Variants in MED13L observed in about 807,000 individuals in gnomAD.
MED13L encodes mediator of RNA polymerase II transcription subunit 13-like.
In MED13L, 7 loss-of-function variants were observed where a neutral mutation model predicts 220.9. The ratio of observed to expected loss-of-function variants is 0.03; its 90% CI spans 0.02 to 0.06. MED13L has a LOEUF of 0.06. MED13L is among the 10% of genes least tolerant of loss of function. The probability of loss-of-function intolerance (pLI) is 1.00; values close to 1 mark genes in which losing one functional copy is unlikely to be tolerated. For synonymous variants in MED13L, 1,011 were observed against 1,015.2 expected (o/e 1.00, Z 0.08); for missense variants, 1,965 against 2,760.5 (o/e 0.71, Z 6.46).
intron 2 of MED13L, among the ~76,000 whole-genome samples, chr12:116,212,832 G>A (rs1017743699): frequency 6.6e-6 from 1 of 152,000 alleles, no homozygotes; most frequent in African/African-American, 2.4e-5. Flanking sequence ...AACTACAACA[G>A]AAATGACACA....
intron 17 of MED13L, among the ~76,000 whole-genome samples, chr12:115,988,837 G>A (rs761612641): frequency 7.2e-5 from 11 of 152,036 alleles, no homozygotes; most frequent in Non-Finnish European, 7.4e-5. Context: ...TTTTCTGTCC[G>A]AAGGCCTATC....
chr12:116,195,303 T>C (rs1197035905), intron 2 of MED13L, among the ~76,000 whole-genome samples: 1 of 151,762 alleles, frequency 6.6e-6, no homozygotes, highest in African/African-American at 2.4e-5. Context: ...TAAGAATACG[T>C]GCAAAACCAC....
chr12:116,092,012 T>C (rs1051856040), intron 4 of MED13L, among the ~76,000 whole-genome samples: 26 of 152,180 alleles, frequency 1.7e-4, no homozygotes, highest in South Asian at 2.1e-4. Flanking sequence ...CTCCCTCAGA[T>C]AGACTCTCAG....
chr12:116,022,425 A>G, intron 5 of MED13L, 31 bp downstream of exon 5: 1 of 1,612,836 alleles, frequency 6.2e-7, no homozygotes, highest in Non-Finnish European at 8.5e-7. Context: ...GGTGGCGGAT[A>G]GGGGTGGAGA....
chr12:116,081,624 C>T (rs1021018252), intron 4 of MED13L, among the ~76,000 whole-genome samples: 1 of 152,202 alleles, frequency 6.6e-6, no homozygotes, highest in African/African-American at 2.4e-5. Context: ...TGGCACACAT[C>T]TGTAATCCCA....
chr12:116,125,739 T>C (rs2392970), intron 2 of MED13L, among the ~76,000 whole-genome samples: 37,968 of 152,116 alleles, frequency 0.25, 4,888 homozygotes, highest in South Asian at 0.32. Flanking sequence ...ACTTTCCCTG[T>C]TTGTCTTCTT....
chr12:116,129,610 T>C (rs893336519), intron 2 of MED13L, among the ~76,000 whole-genome samples: 14 of 150,790 alleles, frequency 9.3e-5, no homozygotes, highest in South Asian at 4.2e-4. Flanking sequence ...ATTCACAAGA[T>C]AGAAATGATC....
At chr12:116,174,254 C>G (rs1050055399) in intron 2 of MED13L, among the ~76,000 whole-genome samples, 1 of 152,072 alleles carries the variant, frequency 6.6e-6, no homozygotes, top group Non-Finnish European at 1.5e-5. Context: ...AAATTAGAAG[C>G]CGTCACATAA....
chr12:116,009,060 T>C lies in MED13L; in HGVS notation c.1353A>G (p.Ala451=). Residue 451 remains alanine, a synonymous_variant, in exon 10 of 31, where the codon GCA becomes GCG. Coordinates refer to ENST00000281928, the MANE Select transcript of MED13L (RefSeq NM_015335.5). ...PPTVSQPGFS[A]GPSSSSSLPP... ...GTAAAGATGAAGATGATGATGGTCCTGCACTGAACCCTGGTTGAGATACTG... is the reference window on the plus strand; with the variant it reads ...GTAAAGATGAAGATGATGATGGTCCCGCACTGAACCCTGGTTGAGATACTG... The C allele has an allele frequency of 6.2e-7, 1 of 1,614,100 alleles. No individual in the cohort carries two copies. Among genetic ancestry groups the C allele is most frequent in the Non-Finnish European group, 8.5e-7 (1 of 1,179,978 alleles).
At chr12:116,000,152 G>A (rs1362505575) in intron 14 of MED13L, among the ~76,000 whole-genome samples, 1 of 152,186 alleles carries the variant, frequency 6.6e-6, no homozygotes, top group African/African-American at 2.4e-5. Flanking sequence ...CCACTGTCAA[G>A]TTTTGGGACT....
intron 4 of MED13L, among the ~76,000 whole-genome samples, chr12:116,064,139 C>T (rs1399307634): frequency 1.3e-5 from 2 of 151,450 alleles, no homozygotes; most frequent in Admixed American, 6.6e-5. Flanking sequence ...CAGTGAGCCA[C>T]GAATGTGCCA....
chr12:116,134,451 G>A (rs1876348715), intron 2 of MED13L, among the ~76,000 whole-genome samples: 1 of 152,082 alleles, frequency 6.6e-6, no homozygotes, highest in Non-Finnish European at 1.5e-5. Context: ...TACTAGGACG[G>A]TCTCAGCGGT....
At chr12:116,273,915 G>A (rs1359095526) in intron 1 of MED13L, among the ~76,000 whole-genome samples, 1 of 152,166 alleles carries the variant, frequency 6.6e-6, no homozygotes, top group African/African-American at 2.4e-5. Context: ...ACCATAGGGT[G>A]CACTGTTACA....
chr12:116,092,423 C>T (rs1295041174), intron 4 of MED13L, among the ~76,000 whole-genome samples: 3 of 152,008 alleles, frequency 2.0e-5, no homozygotes, highest in Non-Finnish European at 4.4e-5. Flanking sequence ...GGCAGGTTTG[C>T]CCATGAGTCA....
intron 4 of MED13L, among the ~76,000 whole-genome samples, chr12:116,069,342 G>GGTAA (rs1870196893): frequency 6.6e-6 from 1 of 152,138 alleles, no homozygotes; most frequent in East Asian, 1.9e-4. Flanking sequence ...ACAATGGGTA[G>GGTAA]GTAAGTATGT....
chr12:116,150,855 A>C (rs962998773), intron 2 of MED13L, among the ~76,000 whole-genome samples: 1 of 152,154 alleles, frequency 6.6e-6, no homozygotes, highest in Non-Finnish European at 1.5e-5. Context: ...TAGGTCGTTT[A>C]ATTTTCTCAA....
chr12:116,162,989 C>T (rs1878999145), intron 2 of MED13L, among the ~76,000 whole-genome samples: 1 of 152,184 alleles, frequency 6.6e-6, no homozygotes, highest in Admixed American at 6.5e-5. Context: ...ATCCTTCCAC[C>T]TCAGTCTTGA....
chr12:116,120,085 T>C (rs996577132), intron 2 of MED13L, among the ~76,000 whole-genome samples: 2 of 151,992 alleles, frequency 1.3e-5, no homozygotes, highest in African/African-American at 4.8e-5. Flanking sequence ...TAGAGTTGAC[T>C]TGATTATGTA....
intron 2 of MED13L, among the ~76,000 whole-genome samples, chr12:116,211,930 G>T (rs1397065082): frequency 6.6e-6 from 1 of 151,986 alleles, no homozygotes; most frequent in Non-Finnish European, 1.5e-5. Flanking sequence ...ATGAGAGTAG[G>T]CATATAGTAC....
Sources: allele counts gnomAD v4.1 joint callset (sites outside exome capture counted in the v4.1 genomes callset), GRCh38; gene constraint gnomAD v4.1.1; transcripts MANE v1.5; gene names NCBI Gene and HGNC (gene_info 2026-07-23, HGNC 2026-07-21).